The following CHCHD6 variants were observed in gnomAD, a reference collection of about 807,000 sequenced individuals.
CHCHD6 encodes MICOS complex subunit MIC25.
Under a neutral mutation model 32.3 loss-of-function variants are expected in CHCHD6, and 28 were observed. The observed-to-expected ratio is 0.87, with a 90% CI of 0.64 to 1.19. The LOEUF (loss-of-function observed/expected upper bound fraction) is 1.19. Among genes scored for constraint, CHCHD6 ranks in the 50% most tolerant of loss-of-function variants. The pLI is 0.00. For missense variants in CHCHD6, 333 were observed against 307.0 expected (o/e 1.08, Z -0.63); for synonymous variants, 122 against 117.5 (o/e 1.04, Z -0.25).
chr3:126,861,943 C>A (rs1372480677), intron 5 of CHCHD6, among the ~76,000 whole-genome samples: 1 of 77,304 alleles, frequency 1.3e-5, no homozygotes, highest in East Asian at 4.1e-4. Context: ...CACCACCTCC[C>A]TCTTCACCAC....
At chr3:126,934,829 G>A (rs1454573859) in intron 6 of CHCHD6, among the ~76,000 whole-genome samples, 1 of 152,082 alleles carries the variant, frequency 6.6e-6, no homozygotes, top group African/African-American at 2.4e-5. Flanking sequence ...GATTACAGGC[G>A]TGAGCCACCA....
chr3:126,867,238 T>C (rs1259312195), intron 5 of CHCHD6, among the ~76,000 whole-genome samples: 2 of 152,222 alleles, frequency 1.3e-5, no homozygotes, highest in African/African-American at 4.8e-5. Flanking sequence ...TAAGTTGATG[T>C]TCACTGCTGC....
chr3:126,931,409 C>A (rs1481910271), intron 6 of CHCHD6, among the ~76,000 whole-genome samples: 1 of 152,184 alleles, frequency 6.6e-6, no homozygotes, highest in Non-Finnish European at 1.5e-5. Context: ...TTCTGCAGAG[C>A]CGACCCAGCC....
At chr3:126,710,186 T>A (rs1483072720) in intron 1 of CHCHD6, among the ~76,000 whole-genome samples, 1 of 152,238 alleles carries the variant, frequency 6.6e-6, no homozygotes, top group Non-Finnish European at 1.5e-5. Context: ...TTCTCCAGGC[T>A]CTGTTGAAAA....
chr3:126,860,022 T>A (rs1290970718), intron 5 of CHCHD6, among the ~76,000 whole-genome samples: 1 of 151,884 alleles, frequency 6.6e-6, no homozygotes, highest in African/African-American at 2.4e-5. Context: ...CAGTGAGGGG[T>A]GTGTCTCGTT....
intron 4 of CHCHD6, among the ~76,000 whole-genome samples, chr3:126,810,459 A>G (rs1939608113): frequency 6.6e-6 from 1 of 152,242 alleles, no homozygotes; most frequent in Admixed American, 6.5e-5. Context: ...AGATGAGCCA[A>G]GTACTACAGT....
intron 4 of CHCHD6, among the ~76,000 whole-genome samples, chr3:126,818,308 C>T (rs984496604): frequency 6.6e-6 from 1 of 152,032 alleles, no homozygotes; most frequent in Non-Finnish European, 1.5e-5. Flanking sequence ...TTTTGTCTCC[C>T]ACAAGGCCGA....
intron 5 of CHCHD6, among the ~76,000 whole-genome samples, chr3:126,893,890 C>T (rs2077800728): frequency 6.6e-6 from 1 of 152,310 alleles, no homozygotes; most frequent in Middle Eastern, 3.4e-3. Flanking sequence ...TGTCCTGGTG[C>T]CCCTAACTCC....
At chr3:126,908,012 T>G (rs2078030130) in intron 5 of CHCHD6, among the ~76,000 whole-genome samples, 1 of 152,190 alleles carries the variant, frequency 6.6e-6, no homozygotes, top group African/African-American at 2.4e-5. Context: ...CCTCAGTTTC[T>G]TCATCTGTCA....
At chr3:126,776,477 C>T (rs1937653085) in intron 4 of CHCHD6, among the ~76,000 whole-genome samples, 1 of 152,148 alleles carries the variant, frequency 6.6e-6, no homozygotes, top group Non-Finnish European at 1.5e-5. Context: ...CACCTGTGAC[C>T]AGTCCTGCAC....
intron 5 of CHCHD6, among the ~76,000 whole-genome samples, chr3:126,890,493 C>T (rs1244785886): frequency 6.6e-6 from 1 of 152,080 alleles, no homozygotes; most frequent in African/African-American, 2.4e-5. Context: ...CCTGTACAGC[C>T]CCAGGACTCT....
intron 4 of CHCHD6, among the ~76,000 whole-genome samples, chr3:126,750,306 G>T (rs1476638604): frequency 6.6e-6 from 1 of 152,232 alleles, no homozygotes; most frequent in Non-Finnish European, 1.5e-5. Flanking sequence ...CTTCCAGGCA[G>T]CTGACCTCAG....
At chr3:126,823,625 A>G (rs1035409360) in intron 4 of CHCHD6, among the ~76,000 whole-genome samples, 3 of 152,184 alleles carry the variant, frequency 2.0e-5, no homozygotes, top group Non-Finnish European at 1.5e-5. Context: ...TTCTACATAT[A>G]TAGTCATGTC....
chr3:126,920,835 AG>A (rs1193952796), intron 6 of CHCHD6, among the ~76,000 whole-genome samples: 1 of 152,164 alleles, frequency 6.6e-6, no homozygotes, highest in Non-Finnish European at 1.5e-5. Flanking sequence ...AGAAACTTTG[AG>A]GGGGAAAGTG....
intron 1 of CHCHD6, among the ~76,000 whole-genome samples, chr3:126,722,712 A>G (rs892453883): frequency 2.6e-5 from 4 of 152,340 alleles, no homozygotes; most frequent in Admixed American, 2.6e-4. Flanking sequence ...GTTCCTTATC[A>G]GGTATATGAT....
At chr3:126,900,123 C>T (rs1398555413) in intron 5 of CHCHD6, among the ~76,000 whole-genome samples, 3 of 152,184 alleles carry the variant, frequency 2.0e-5, no homozygotes, top group African/African-American at 7.2e-5. Flanking sequence ...GCTCACTGTA[C>T]ACATAATGTG....
At chr3:126,929,327 A>G (rs1365419630) in intron 6 of CHCHD6, among the ~76,000 whole-genome samples, 1 of 152,152 alleles carries the variant, frequency 6.6e-6, no homozygotes, top group East Asian at 1.9e-4. Flanking sequence ...TGTCAGCAGC[A>G]TGTACACTGG....
chr3:126,704,257 GTTGC>G lies in CHCHD6; in HGVS notation c.-54_-51del. The G allele has an allele frequency of 6.9e-7, 1 of 1,441,298 alleles. No individual in the cohort carries two copies. The highest frequency in any genetic ancestry group is 1.7e-5 in the Admixed American group (1 of 58,472). The allele number at this position is 1,441,298 out of a possible 1,614,324, so 89.3% of individuals were successfully genotyped here. On this transcript the variant is annotated 5_prime_UTR_variant, in exon 1 of 8. Coordinates refer to ENST00000290913, the MANE Select transcript of CHCHD6 (RefSeq NM_032343.3). ...AGTCCTGGAAAGCGTTGTTGGCCCGGTTGCTCTGGAGCCGGGTCTCGGGTCTGGT... is the reference window on the plus strand; with the variant it reads ...AGTCCTGGAAAGCGTTGTTGGCCCGGTCTGGAGCCGGGTCTCGGGTCTGGT...
intron 2 of CHCHD6, among the ~76,000 whole-genome samples, chr3:126,728,347 G>A (rs1935635254): frequency 6.6e-6 from 1 of 152,234 alleles, no homozygotes; most frequent in Non-Finnish European, 1.5e-5. Flanking sequence ...TGAAAGGCAG[G>A]AGGAATGGTG....
Sources: allele counts gnomAD v4.1 joint callset (sites outside exome capture counted in the v4.1 genomes callset), GRCh38; gene constraint gnomAD v4.1.1; transcripts MANE v1.5; gene names NCBI Gene and HGNC (gene_info 2026-07-23, HGNC 2026-07-21).